NHSL2: variants seen among roughly 807,000 people sequenced by gnomAD.
The protein encoded by NHSL2 is NHS like 2.
Under a neutral mutation model 53.4 loss-of-function variants are expected in NHSL2, and 27 were observed. The ratio of observed to expected loss-of-function variants is 0.51; its 90% CI spans 0.37 to 0.70. The LOEUF is 0.70. Ranked by LOEUF, NHSL2 falls within the 30% of genes least tolerant of loss-of-function variation. NHSL2 has a pLI of 0.00. For synonymous variants in NHSL2, 408 were observed against 404.1 expected, an observed-to-expected ratio of 1.01 and a Z score of -0.12; for missense variants, 892 against 980.1, an observed-to-expected ratio of 0.91 and a Z score of 1.20.
At chrX:72,066,640 G>A (rs1178689510) in intron 1 of NHSL2, among the ~76,000 whole-genome samples, 4 of 111,950 alleles carry the variant, frequency 3.6e-5, no homozygotes, top group African/African-American at 1.3e-4. Context: ...TTCCGCGTCT[G>A]CTCTTCTCTT....
chrX:72,144,352 G>A lies in NHSL2; in HGVS notation c.*778G>A. 3.4e-6 allele frequency: 1 copy of A among 294,808 alleles called. No individual in the cohort carries two copies. The highest frequency in any genetic ancestry group is 6.1e-6 in the Non-Finnish European group (1 of 163,362). The allele number at this position is 294,808 out of a possible 1,213,427, so 24.3% of individuals were successfully genotyped here. ...AACAAGACAGCCATTTGTTCACTCA[G>A]ATCTAGCCGAGGTAACTCACAAGTG... On this transcript the variant is annotated 3_prime_UTR_variant, in exon 8 of 8. Transcript: ENST00000633930.
intron 1 of NHSL2, among the ~76,000 whole-genome samples, chrX:72,050,820 CAG>C (rs914746321): frequency 3.7e-5 from 4 of 109,239 alleles, no homozygotes; most frequent in African/African-American, 1.3e-4. Context: ...ACCCGGGAGG[CAG>C]AGATTGCAGT....
At chrX:72,085,823 C>CAGGAGTGTGACAGGGT (rs2041837634) in intron 1 of NHSL2, among the ~76,000 whole-genome samples, 1 of 107,927 alleles carries the variant, frequency 9.3e-6, no homozygotes, top group African/African-American at 3.4e-5. Context: ...CTCCCTACTC[C>CAGGAGTGTGACAGGGT]CTCCCTACCA....
intron 1 of NHSL2, among the ~76,000 whole-genome samples, chrX:71,974,417 A>G (rs779419603): frequency 8.9e-6 from 1 of 112,295 alleles, no homozygotes; most frequent in Admixed American, 9.4e-5. Context: ...CAAAGTAGCT[A>G]TTCTCCAGAA....
rs1556300066 is a variant in NHSL2, at chrX:71,918,375, TTA to T, written c.280+7009_280+7010del. Among the ~76,000 whole-genome samples, 880 of 99,968 alleles carry T rather than the reference TTA, an allele frequency of 8.8e-3. 3 individuals are homozygous for T. The highest frequency in any genetic ancestry group is 0.011 in the Non-Finnish European group (577 of 51,766). The allele number at this position is 99,968 out of a possible 115,157, so 86.8% of individuals were successfully genotyped here. On this transcript the variant is annotated intron_variant, in intron 1 of 7. Transcript: ENST00000633930. ...GAAAATCAGAATTTTTTTTTTTTTT[TTA>T]AAATGGACTCAAAGAGGAGATGAGT... is the stretch of plus-strand genomic sequence containing the variant.
intron 1 of NHSL2, among the ~76,000 whole-genome samples, chrX:71,921,694 G>T: frequency 9.0e-6 from 1 of 110,920 alleles, no homozygotes; most frequent in Middle Eastern, 4.6e-3. Flanking sequence ...CTTTGCAACA[G>T]AATATAACGA....
At chrX:72,056,898 A>G (rs1356311212) in intron 1 of NHSL2, among the ~76,000 whole-genome samples, 1 of 111,910 alleles carries the variant, frequency 8.9e-6, no homozygotes, top group Non-Finnish European at 1.9e-5. Flanking sequence ...ACCATCTCCT[A>G]CTTTTAGACG....
At chrX:71,944,503 A>G (rs1029841354) in intron 1 of NHSL2, among the ~76,000 whole-genome samples, 1 of 111,948 alleles carries the variant, frequency 8.9e-6, no homozygotes, top group African/African-American at 3.2e-5. Flanking sequence ...CTGACTGTCC[A>G]TTGGAAGGTC....
At chrX:72,045,575 A>G (rs2042301034) in intron 1 of NHSL2, among the ~76,000 whole-genome samples, 1 of 111,136 alleles carries the variant, frequency 9.0e-6, no homozygotes, top group Non-Finnish European at 1.9e-5. Flanking sequence ...AGCATACACT[A>G]TTTGCAGTCC....
intron 1 of NHSL2, among the ~76,000 whole-genome samples, chrX:71,947,477 G>A (rs1343689112): frequency 1.8e-5 from 2 of 112,537 alleles, no homozygotes; most frequent in African/African-American, 6.5e-5. Flanking sequence ...GCTGAGGCTG[G>A]GGGGCATAGA....
chrX:71,985,865 C>A (rs759982695), intron 1 of NHSL2, among the ~76,000 whole-genome samples: 12 of 111,735 alleles, frequency 1.1e-4, no homozygotes, highest in South Asian at 3.7e-4. Flanking sequence ...CTGTTAGAGT[C>A]CTGTAGCTGA....
At chrX:71,949,885 T>C (rs1353413767) in intron 1 of NHSL2, among the ~76,000 whole-genome samples, 1 of 112,731 alleles carries the variant, frequency 8.9e-6, no homozygotes, top group Non-Finnish European at 1.9e-5. Flanking sequence ...GGTTCCTTTC[T>C]CCAGAATGCC....
At chrX:71,915,283 C>T (rs940692577) in intron 1 of NHSL2, among the ~76,000 whole-genome samples, 13 of 111,610 alleles carry the variant, frequency 1.2e-4, no homozygotes, top group African/African-American at 3.3e-4. Flanking sequence ...TTGACCTTGA[C>T]GACATTGATT....
rs745553565 is a variant in NHSL2 at position 71,950,363 on chromosome X, C to T, written c.280+38996C>T. On this transcript the variant is annotated intron_variant, in intron 1 of 7. Transcript: ENST00000633930. ...AGACCTAAGCCTGGCCAACAATACTCGGCAGGCATCCCTCGCTCCCTGTTT... is the reference window on the plus strand; with the variant it reads ...AGACCTAAGCCTGGCCAACAATACTTGGCAGGCATCCCTCGCTCCCTGTTT... Among the ~76,000 whole-genome samples, 14 of 112,803 alleles carry T rather than the reference C, an allele frequency of 1.2e-4. No homozygotes were observed. In the South Asian group the frequency reaches 5.1e-3, roughly 41 times the overall value.
At position 72,138,476 on chromosome X, in the gene NHSL2, T is replaced by C; in HGVS notation, c.928T>C (p.Ser310Pro). 3 of 1,159,200 alleles carry C rather than the reference T, an allele frequency of 2.6e-6. No individual in the cohort carries two copies. Among genetic ancestry groups the C allele is most frequent in the Non-Finnish European group, 3.5e-6 (3 of 866,983 alleles). Residue 310 changes from serine (S) to proline (P), a missense_variant, in exon 6 of 8, where the codon TCT (serine) becomes CCT (proline). Coordinates refer to ENST00000633930, the MANE Select transcript of NHSL2 (RefSeq NM_001013627.3). ...SNSPAGSVAHSTTSDIRPSHS... is the reference protein window; with the variant it reads ...SNSPAGSVAHPTTSDIRPSHS... Reference sequence around the variant, plus strand: ...CAGCCCAGCAGGCAGTGTGGCCCACTCTACCACCTCCGACATCAGGCCCAG... The same window carrying C: ...CAGCCCAGCAGGCAGTGTGGCCCACCCTACCACCTCCGACATCAGGCCCAG...
intron 1 of NHSL2, among the ~76,000 whole-genome samples, chrX:72,002,986 A>G (rs1198490224): frequency 9.0e-6 from 1 of 110,743 alleles, no homozygotes; most frequent in Non-Finnish European, 1.9e-5. Flanking sequence ...CAGAGTGCCC[A>G]CTGGTTCCCT....
chrX:72,062,398 A>G (rs1423359525), intron 1 of NHSL2, among the ~76,000 whole-genome samples: 1 of 112,620 alleles, frequency 8.9e-6, no homozygotes, highest in Non-Finnish European at 1.9e-5. Flanking sequence ...ATACATAAAT[A>G]TGTATATATG....
intron 1 of NHSL2, among the ~76,000 whole-genome samples, chrX:71,951,343 A>T (rs1161734847): frequency 5.4e-5 from 6 of 112,132 alleles, no homozygotes; most frequent in African/African-American, 1.9e-4. Flanking sequence ...GAGGAGAATC[A>T]GCCAAGTCCC....
At chrX:72,108,922 T>TATGGCC (rs2042068320) in intron 1 of NHSL2, among the ~76,000 whole-genome samples, 1 of 111,338 alleles carries the variant, frequency 9.0e-6, no homozygotes, top group Non-Finnish European at 1.9e-5. Flanking sequence ...TCTGAAGTAA[T>TATGGCC]ATGGCCCCTG....
Sources: allele counts gnomAD v4.1 joint callset (sites outside exome capture counted in the v4.1 genomes callset), GRCh38; gene constraint gnomAD v4.1.1; transcripts MANE v1.5; gene names NCBI Gene and HGNC (gene_info 2026-07-23, HGNC 2026-07-21).